PLXNA4: variants seen among roughly 807,000 people sequenced by gnomAD.
The protein encoded by PLXNA4 is plexin A4, also known as plexin-A4.
PLXNA4 carries 44 observed loss-of-function variants against 191.8 expected under a neutral mutation model. That is an observed-to-expected ratio of 0.23 (90% CI 0.18 to 0.29). The LOEUF (loss-of-function observed/expected upper bound fraction) is 0.29. PLXNA4 is among the 10% of genes least tolerant of loss of function. PLXNA4 has a pLI of 1.00. For synonymous variants in PLXNA4, 1,082 were observed against 1,009.5 expected (o/e 1.07, Z -1.36); for missense variants, 1,800 against 2,488.8 (o/e 0.72, Z 5.89).
At position 132,135,797 on chromosome 7, in the gene PLXNA4, A is replaced by G. The variant is rs187029489; in HGVS notation, c.5439-2598T>C. On this transcript the variant is annotated intron_variant, in intron 30 of 31. Coordinates refer to ENST00000321063, the MANE Select transcript of PLXNA4 (RefSeq NM_020911.2). ...GTGACGTGCCTCTCCTGAACACATC[A>G]TCCTCTCTCTCAGGTCAGGTCCTTG... 2.9e-3 allele frequency among the ~76,000 whole-genome samples: 442 copies of G among 152,096 alleles called. 2 individuals carry two copies. Among genetic ancestry groups the G allele is most frequent in the Middle Eastern group, 6.8e-3 (2 of 294 alleles).
At chr7:132,238,050 T>C (rs558846576) in intron 5 of PLXNA4, among the ~76,000 whole-genome samples, 1 of 152,200 alleles carries the variant, frequency 6.6e-6, no homozygotes, top group East Asian at 1.9e-4. Context: ...CTTAAAATAG[T>C]CCCCGAATGT....
chr7:132,577,892 CGAGGACACT>C (rs999090824), upstream of PLXNA4, among the ~76,000 whole-genome samples: 2 of 151,982 alleles, frequency 1.3e-5, no homozygotes, highest in African/African-American at 4.8e-5. Context: ...CCAAGGAGGC[CGAGGACACT>C]GAGGGCACAA....
chr7:132,529,378 T>C (rs1799533597), intron 1 of PLXNA4, among the ~76,000 whole-genome samples: 2 of 152,218 alleles, frequency 1.3e-5, no homozygotes, highest in Admixed American at 1.3e-4. Context: ...CCTCGTGGCA[T>C]TTTGGAAAGA....
At chr7:132,448,135 C>T (rs1467460377) in intron 3 of PLXNA4, among the ~76,000 whole-genome samples, 2 of 152,228 alleles carry the variant, frequency 1.3e-5, no homozygotes, top group African/African-American at 2.4e-5. Flanking sequence ...ACGTTTTCCT[C>T]CCAGGACTTC....
At chr7:132,406,126 A>G (rs1288163366) in intron 3 of PLXNA4, among the ~76,000 whole-genome samples, 1 of 152,202 alleles carries the variant, frequency 6.6e-6, no homozygotes, top group Non-Finnish European at 1.5e-5. Flanking sequence ...CCAGGCTTAC[A>G]CTGCAGGGTT....
At chr7:132,595,014 TAGATAGACAGACAGAC>T (rs1399658782) in intron 2 of PLXNA4, among the ~76,000 whole-genome samples, 5 of 22,886 alleles carry the variant, frequency 2.2e-4, no homozygotes, top group South Asian at 2.3e-3. Context: ...GATAGATAGA[TAGATAGACAGACAGAC>T]AGACAGACAG....
At chr7:132,626,773 G>A (rs1467716453) in intron 2 of PLXNA4, among the ~76,000 whole-genome samples, 1 of 152,124 alleles carries the variant, frequency 6.6e-6, no homozygotes, top group Non-Finnish European at 1.5e-5. Context: ...AATCCCTAAT[G>A]GGATTGCTTC....
At chr7:132,346,729 T>C (rs1345324533) in intron 3 of PLXNA4, among the ~76,000 whole-genome samples, 3 of 152,340 alleles carry the variant, frequency 2.0e-5, no homozygotes, top group South Asian at 2.1e-4. Flanking sequence ...CAATGTAAAC[T>C]CTTTTGAGAT....
chr7:132,133,447 A>AAGAC (rs1414242858), intron 30 of PLXNA4, among the ~76,000 whole-genome samples: 2 of 152,160 alleles, frequency 1.3e-5, no homozygotes, highest in African/African-American at 4.8e-5. Context: ...GGGAGTGGCC[A>AAGAC]AGACAGGAGA....
chr7:132,263,295 C>T (rs1799722057), intron 4 of PLXNA4, among the ~76,000 whole-genome samples: 1 of 152,156 alleles, frequency 6.6e-6, no homozygotes, highest in South Asian at 2.1e-4. Context: ...TGTGTTCTGG[C>T]CATGCCATCC....
chr7:132,189,012 G>GGAAAGGAAA (rs1562909006), intron 14 of PLXNA4, among the ~76,000 whole-genome samples: 2 of 58,272 alleles, frequency 3.4e-5, no homozygotes, highest in Non-Finnish European at 7.7e-5. Flanking sequence ...GAGAGAGAGA[G>GGAAAGGAAA]AGAGAGAGAG....
At chr7:132,627,932 A>G (rs140056387) in intron 2 of PLXNA4, among the ~76,000 whole-genome samples, 6 of 152,190 alleles carry the variant, frequency 3.9e-5, no homozygotes, top group Admixed American at 6.5e-5. Context: ...ATCTCTCCAA[A>G]CCCTCCACCA....
intron 3 of PLXNA4, among the ~76,000 whole-genome samples, chr7:132,349,148 GA>G (rs1224746249): frequency 2.6e-5 from 4 of 151,650 alleles, no homozygotes; most frequent in Non-Finnish European, 5.9e-5. Flanking sequence ...TTTCTTGAAA[GA>G]TTTTTTTTAA....
In PLXNA4 at chr7:132,157,755, G is replaced by A. The variant is rs574582137; in HGVS notation, c.4660+1718C>T. 1.0e-3 allele frequency among the ~76,000 whole-genome samples: 158 copies of A among 152,306 alleles called. 2 individuals are homozygous for A. The highest frequency in any genetic ancestry group is 3.6e-3 in the African/African-American group (149 of 41,566). On this transcript the variant is annotated intron_variant, in intron 25 of 31. Coordinates refer to ENST00000321063, the MANE Select transcript of PLXNA4 (RefSeq NM_020911.2). ...CACAGATGAAACAAAGGAACAGTGG[G>A]TGCTAGCTGGTTCCACTACCAAACT...
intron 3 of PLXNA4, among the ~76,000 whole-genome samples, chr7:132,467,713 C>T (rs1280121009): frequency 6.6e-6 from 1 of 152,144 alleles, no homozygotes; most frequent in Non-Finnish European, 1.5e-5. Context: ...CCATGATGGC[C>T]CAAGAGAATA....
rs1795181752 is a variant in PLXNA4 at position 132,138,638 on chromosome 7, G to A, written c.5438+1961C>T. ...TTGGGGCTTCAAGTAAGTGAAAGAT[G>A]ACTTTCTTGAAAGTGTCAGTGGTTG... On this transcript the variant is annotated intron_variant, in intron 30 of 31. Transcript: ENST00000321063. Among the ~76,000 whole-genome samples the A allele has an allele frequency of 1.3e-5, 2 of 152,218 alleles. 1 individual carries two copies. Among genetic ancestry groups the A allele is most frequent in the South Asian group, 4.1e-4 (2 of 4,828 alleles).
At chr7:132,140,306 G>A (rs534668627) in intron 30 of PLXNA4, among the ~76,000 whole-genome samples, 1 of 152,254 alleles carries the variant, frequency 6.6e-6, no homozygotes, top group South Asian at 2.1e-4. Flanking sequence ...GATCAGAGCT[G>A]GGAGCCGCAT....
chr7:132,218,647 C>T (rs1798046020), intron 9 of PLXNA4, among the ~76,000 whole-genome samples: 1 of 152,138 alleles, frequency 6.6e-6, no homozygotes, highest in Non-Finnish European at 1.5e-5. Flanking sequence ...TGTGGAGGAG[C>T]TGGGGATGGA....
intron 2 of PLXNA4, among the ~76,000 whole-genome samples, chr7:132,596,825 A>T (rs954592190): frequency 1.7e-4 from 25 of 149,814 alleles, no homozygotes; most frequent in African/African-American, 5.2e-4. Flanking sequence ...ATCTCATTAC[A>T]TCTACAAACT....
Sources: gnomAD v4.1 joint callset for allele counts (sites outside exome capture counted in the v4.1 genomes callset) on GRCh38, gnomAD v4.1.1 for gene constraint, MANE v1.5 for transcripts, NCBI Gene and HGNC (gene_info 2026-07-23, HGNC 2026-07-21) for gene names.